The following HGS variants were observed in gnomAD, a reference collection of about 807,000 sequenced individuals.
HGS encodes human growth factor-regulated tyrosine kinase substrate.
A neutral mutation model predicts 109.7 loss-of-function variants in HGS; 63 were observed. That is an observed-to-expected ratio of 0.57 (90% CI 0.47 to 0.71). The LOEUF (loss-of-function observed/expected upper bound fraction) is 0.71, where lower values mean the gene tolerates loss of function less well. Among genes scored for constraint, HGS ranks in the 30% least tolerant of loss-of-function variants. The pLI is 0.00. For missense variants in HGS, 995 were observed against 1,068.3 expected, an observed-to-expected ratio of 0.93 and a Z score of 0.96; for synonymous variants, 546 against 437.3, an observed-to-expected ratio of 1.25 and a Z score of -3.10.
At chr17:81,701,284 C>T (rs1263633748) in intron 21 of HGS, 153 bp downstream of exon 21, 6 of 812,246 alleles carry the variant, frequency 7.4e-6, no homozygotes, top group South Asian at 6.4e-5. Flanking sequence ...GCAGACAGAA[C>T]GAGGACACAA....
chr17:81,691,134 G>A lies in HGS; in HGVS notation c.538-313G>A, dbSNP rs2037058108. The A allele has an allele frequency of 2.3e-6, 1 of 427,434 alleles. No individual in the cohort carries two copies. The allele number at this position is 427,434 out of a possible 1,614,324, so 26.5% of individuals were successfully genotyped here. On this transcript the variant is annotated intron_variant, in intron 7 of 21. Coordinates refer to ENST00000329138, the MANE Select transcript of HGS (RefSeq NM_004712.5). The surrounding 1 kb of genome is among the most constrained non-coding windows in gnomAD (Gnocchi z 5.3). ...GCAACCGGCAGTGCTTGGGGTTTGG[G>A]GTGTCAGCAGCTTCCAGCACCCACT...
rs2037242830 is a variant in HGS at position 81,701,804 on chromosome 17, T to A, written c.*186T>A. 3 of 824,330 alleles carry A rather than the reference T, an allele frequency of 3.6e-6. No individual in the cohort carries two copies. The highest frequency in any genetic ancestry group is 3.5e-6 in the Non-Finnish European group (2 of 569,720). The allele number at this position is 824,330 out of a possible 1,614,324, so 51.1% of individuals were successfully genotyped here. A position where few individuals can be genotyped will look rare whatever the true frequency, so the allele number is the denominator to read the frequency against. On this transcript the variant is annotated 3_prime_UTR_variant, in exon 22 of 22. Transcript: ENST00000329138. ...CAGCCTACTGCAGTCCCTGAGTTAG[T>A]CTCTGCTTTCTTTCCCCAGGGCTGG...
At chr17:81,690,812 C>CAG in intron 7 of HGS, 70 bp downstream of exon 7, 1 of 1,378,520 alleles carries the variant, frequency 7.3e-7, no homozygotes. Flanking sequence ...ACAAGGCCAC[C>CAG]GTCCCTGCTG....
chr17:81,693,833 GTGCACCCAAGTGA>G, intron 10 of HGS, 24 bp from the exon 11 acceptor site: 2 of 1,566,436 alleles, frequency 1.3e-6, no homozygotes, highest in Non-Finnish European at 1.7e-6. Flanking sequence ...GGGGCGTCAC[GTGCACCCAAGTGA>G]CGCCCCTTCT....
chr17:81,696,340 C>T lies in HGS; in HGVS notation c.1394-17C>T, dbSNP rs1255147871. On this transcript the variant is annotated splice_polypyrimidine_tract_variant and intron_variant, in intron 15 of 21. Coordinates refer to ENST00000329138, the MANE Select transcript of HGS (RefSeq NM_004712.5). ...CTGTGCCGGAGTGGTCAGGGTTGCTCTGTCATCTGCCCACAGTGTACTATG... is the reference window on the plus strand; with the variant it reads ...CTGTGCCGGAGTGGTCAGGGTTGCTTTGTCATCTGCCCACAGTGTACTATG... 1.9e-6 allele frequency: 3 copies of T among 1,550,980 alleles called. No homozygotes were observed. Among genetic ancestry groups the T allele is most frequent in the Non-Finnish European group, 1.7e-6 (2 of 1,152,816 alleles).
chr17:81,700,780 C>A lies in HGS; in HGVS notation c.2102C>A (p.Ser701Ter). 6.2e-7 allele frequency: 1 copy of A among 1,612,710 alleles called. No homozygotes were observed. The highest frequency in any genetic ancestry group is 8.5e-7 in the Non-Finnish European group (1 of 1,179,886). ...SSTMGYMGSQ[S>*]VSMGYQPYNM... is the part of the protein sequence containing the mutation. ...ACCATGGGCTACATGGGGAGCCAGTCAGTCTCCATGGGCTACCAGCCTTAC... is the reference window on the plus strand; with the variant it reads ...ACCATGGGCTACATGGGGAGCCAGTAAGTCTCCATGGGCTACCAGCCTTAC... Residue 701 changes from serine to a stop codon, truncating the protein, a stop_gained, in exon 20 of 22, where the codon TCA becomes TAA. Transcript: ENST00000329138. LOFTEE classifies it high-confidence loss of function.
chr17:81,689,074 G>A (rs1020983668), intron 5 of HGS, among the ~76,000 whole-genome samples: 1 of 152,250 alleles, frequency 6.6e-6, no homozygotes, highest in Non-Finnish European at 1.5e-5. Flanking sequence ...CAGGTGAAAA[G>A]GCAGCAGACA....
rs767586999 is a variant in HGS at position 81,688,726 on chromosome 17, G to A, written c.314G>A (p.Arg105His). The change falls in exon 5 of 22, where the codon CGT becomes CAT. Residue 105 changes from arginine (R) to histidine (H), a missense_variant. Physicochemically the swap from Arg to His is conservative, Grantham distance 29. Around this residue, in one of 6 missense-constraint regions of HGS, gnomAD observed 182 missense variants for 261.3 expected, o/e 0.70. Transcript: ENST00000329138. ...LLKRQVEVNV[R>H]NKILYLIQAW... is the part of the protein sequence containing the mutation. ...CAGAGACAAGTGGAGGTAAACGTCC[G>A]TAACAAGATCCTGTACCTGATCCAG... 34 of 1,613,876 alleles carry A rather than the reference G, an allele frequency of 2.1e-5. No homozygotes were observed. Among genetic ancestry groups the A allele is most frequent in the Non-Finnish European group, 2.6e-5 (31 of 1,179,954 alleles).
chr17:81,685,856 G>C (rs911469025), intron 2 of HGS, among the ~76,000 whole-genome samples, 167 bp downstream of exon 2: 2 of 152,210 alleles, frequency 1.3e-5, no homozygotes, highest in Non-Finnish European at 2.9e-5. Context: ...GAGGATTAAG[G>C]GGTTTTCTCT....
chr17:81,686,419 A>G, intron 3 of HGS, 32 bp downstream of exon 3: 2 of 1,543,534 alleles, frequency 1.3e-6, no homozygotes, highest in Non-Finnish European at 1.8e-6. Flanking sequence ...AGTGGCCCCC[A>G]GGGTCCCTAC....
In HGS at chr17:81,693,887, C is replaced by A. The variant is rs1431817174; in HGVS notation, c.858C>A (p.Tyr286Ter). Residue 286 changes from tyrosine to a stop codon, truncating the protein, a stop_gained, in exon 11 of 22, where the codon TAC becomes TAA. Coordinates refer to ENST00000329138, the MANE Select transcript of HGS (RefSeq NM_004712.5). LOFTEE classifies it high-confidence loss of function. The part of the protein sequence containing the change: ...EKERLRQKST[Y>*]TSYPKAEPMP... ...TGCCTCAGAGACAGAAGTCCACGTA[C>A]ACTTCGTACCCCAAGGCGGAGCCCA... 1.9e-6 allele frequency: 3 copies of A among 1,610,454 alleles called. No individual in the cohort carries two copies. Among genetic ancestry groups the A allele is most frequent in the Non-Finnish European group, 2.5e-6 (3 of 1,179,494 alleles).
At chr17:81,690,310 C>CT (rs2037043672) in intron 6 of HGS, 76 bp downstream of exon 6, 1 of 1,472,074 alleles carries the variant, frequency 6.8e-7, no homozygotes, top group African/African-American at 1.4e-5. Flanking sequence ...GGGAGCCCGG[C>CT]TTGTTTGAGG....
At chr17:81,694,414 C>T (rs181273580) in intron 11 of HGS, among the ~76,000 whole-genome samples, 19 of 152,342 alleles carry the variant, frequency 1.2e-4, no homozygotes, top group East Asian at 3.9e-4. Flanking sequence ...GTGGCCAGGC[C>T]GCTGCAGGCC....
At chr17:81,696,287 G>A (rs889429284) in intron 15 of HGS, 70 bp from the exon 16 acceptor site, 2 of 1,455,752 alleles carry the variant, frequency 1.4e-6, no homozygotes, top group African/African-American at 1.4e-5. Context: ...CCATCTGCGT[G>A]TCCGTTCCAC....
At chr17:81,694,007 G>A (rs747322153) in intron 11 of HGS, 42 bp downstream of exon 11, 1 of 1,546,332 alleles carries the variant, frequency 6.5e-7, no homozygotes, top group Non-Finnish European at 8.8e-7. Context: ...CTGGAAGGCA[G>A]TAGGGTTGAT....
intron 5 of HGS, among the ~76,000 whole-genome samples, chr17:81,689,829 G>C (rs1242669740): frequency 6.6e-6 from 1 of 152,210 alleles, no homozygotes; most frequent in African/African-American, 2.4e-5. Context: ...CGTGTGTCAA[G>C]AATAGCTCAA....
intron 8 of HGS, among the ~76,000 whole-genome samples, chr17:81,693,228 CGCAG>C (rs931595842): frequency 5.3e-5 from 8 of 152,172 alleles, no homozygotes; most frequent in Admixed American, 1.3e-4. Flanking sequence ...GGAAGGTCTT[CGCAG>C]GCCGGGCTGG....
chr17:81,698,330 G>C (rs552711992), intron 18 of HGS: 1 of 152,370 alleles, frequency 6.6e-6, no homozygotes, highest in South Asian at 2.1e-4. Flanking sequence ...TTTCTGTGTT[G>C]CCCAAGCTGA....
chr17:81,686,444 G>T, intron 3 of HGS, 57 bp downstream of exon 3: 1 of 1,248,844 alleles, frequency 8.0e-7, no homozygotes, highest in South Asian at 1.2e-5. Flanking sequence ...TACTAGTCAC[G>T]ACAGCATGAG....
Sources: allele counts gnomAD v4.1 joint callset (sites outside exome capture counted in the v4.1 genomes callset), GRCh38; gene constraint gnomAD v4.1.1; regional missense constraint gnomAD v4.1.1; non-coding constraint Gnocchi (gnomAD v3.1); transcripts MANE v1.5; gene names NCBI Gene and HGNC (gene_info 2026-07-23, HGNC 2026-07-21).